Variants in GTF2IRD2B observed in about 807,000 individuals in gnomAD.
The protein encoded by GTF2IRD2B is general transcription factor II-I repeat domain-containing protein 2B.
In GTF2IRD2B, 10 loss-of-function variants were observed where a neutral mutation model predicts 55.6. The observed-to-expected ratio is 0.18, with a 90% CI of 0.11 to 0.31. The LOEUF (loss-of-function observed/expected upper bound fraction) is 0.31, where lower values mean the gene tolerates loss of function less well. Among genes scored for constraint, GTF2IRD2B ranks in the 10% least tolerant of loss-of-function variants. GTF2IRD2B has a pLI of 1.00. For missense variants in GTF2IRD2B, 206 were observed against 802.7 expected, an observed-to-expected ratio of 0.26 and a Z score of 8.98; for synonymous variants, 107 against 320.5, an observed-to-expected ratio of 0.33 and a Z score of 7.12.
intron 4 of GTF2IRD2B, among the ~76,000 whole-genome samples, chr7:75,122,119 A>G (rs1201809003): frequency 7.8e-6 from 1 of 128,464 alleles, no homozygotes; most frequent in Non-Finnish European, 1.6e-5. Context: ...TGGATCTTGG[A>G]TCTTCTGCTC....
chr7:75,102,549 C>A (rs1364351242), intron 1 of GTF2IRD2B, among the ~76,000 whole-genome samples: 4 of 151,254 alleles, frequency 2.6e-5, no homozygotes, highest in African/African-American at 9.7e-5. Flanking sequence ...AGCTGTAATC[C>A]CAGTGTGGAT....
intron 1 of GTF2IRD2B, among the ~76,000 whole-genome samples, chr7:75,104,006 G>A (rs1440164805): frequency 6.0e-5 from 9 of 150,352 alleles, no homozygotes; most frequent in African/African-American, 9.8e-5. Flanking sequence ...GGTGCAGTGC[G>A]CAGAGATCAT....
At position 75,099,877 on chromosome 7, in the gene GTF2IRD2B, C is replaced by T. The variant is rs1394645859; in HGVS notation, c.-6+7112C>T. 4.5e-5 allele frequency among the ~76,000 whole-genome samples: 6 copies of T among 133,422 alleles called. 1 individual carries two copies. The South Asian group carries it at 7.4e-4, about 16-fold the overall frequency. The allele number at this position is 133,422 out of a possible 152,430, so 87.5% of individuals were successfully genotyped here. ...CCTGTAATCCCAGCACTTTGGGAGG[C>T]TGAGGCAGGTGGATCACCTGAGGTC... On this transcript the variant is annotated intron_variant, in intron 1 of 15. Transcript: ENST00000472837.
chr7:75,130,142 T>TTTCTTTCC (rs1456154698), intron 8 of GTF2IRD2B, among the ~76,000 whole-genome samples: 1 of 109,442 alleles, frequency 9.1e-6, no homozygotes, highest in African/African-American at 3.3e-5. Context: ...TCTTTCTTTC[T>TTTCTTTCC]TTCTTTCCTT....
intron 3 of GTF2IRD2B, chr7:75,112,770 C>T (rs1166260355): frequency 1.2e-5 from 7 of 573,702 alleles, no homozygotes; most frequent in Non-Finnish European, 2.2e-5. Context: ...GAATAAATTT[C>T]AAGGACATAG....
At chr7:75,116,706 G>T in intron 3 of GTF2IRD2B, among the ~76,000 whole-genome samples, 2 of 135,222 alleles carry the variant, frequency 1.5e-5, no homozygotes, top group South Asian at 2.5e-4. Context: ...GCACTGGCTT[G>T]ATCTCTGCTC....
At chr7:75,138,703 G>A (rs1294667367) in intron 11 of GTF2IRD2B, among the ~76,000 whole-genome samples, 1 of 119,270 alleles carries the variant, frequency 8.4e-6, no homozygotes, top group East Asian at 2.2e-4. Context: ...GTGCATGTCT[G>A]TGGTCCCAGC....
chr7:75,115,341 A>G (rs1808106157), intron 3 of GTF2IRD2B, among the ~76,000 whole-genome samples: 1 of 151,022 alleles, frequency 6.6e-6, no homozygotes, highest in Non-Finnish European at 1.5e-5. Flanking sequence ...TTTTGAAATC[A>G]GGAAGTATGA....
At chr7:75,103,948 C>T (rs1275566202) in intron 1 of GTF2IRD2B, among the ~76,000 whole-genome samples, 738 of 148,128 alleles carry the variant, frequency 5.0e-3, no homozygotes, top group Non-Finnish European at 7.1e-3. Context: ...AGGAGAATGG[C>T]GTGAACCTGG....
chr7:75,101,575 CCT>C (rs1807559346), intron 1 of GTF2IRD2B, among the ~76,000 whole-genome samples: 1 of 150,216 alleles, frequency 6.7e-6, no homozygotes, highest in South Asian at 2.1e-4. Context: ...AGAATGAGAC[CCT>C]GTCAGAAAAA....
At chr7:75,127,000 A>C (rs1250125041) in intron 8 of GTF2IRD2B, among the ~76,000 whole-genome samples, 181 of 139,992 alleles carry the variant, frequency 1.3e-3, no homozygotes, top group African/African-American at 4.3e-3. Context: ...CTGTGTCAAA[A>C]AAAAACAAAA....
chr7:75,107,350 C>T (rs2115712106), intron 1 of GTF2IRD2B, among the ~76,000 whole-genome samples: 1 of 151,336 alleles, frequency 6.6e-6, no homozygotes, highest in African/African-American at 2.4e-5. Context: ...CTGAGGTGGG[C>T]GGATCACGAG....
At chr7:75,126,853 TG>T (rs1465187512) in intron 8 of GTF2IRD2B, among the ~76,000 whole-genome samples, 1 of 149,864 alleles carries the variant, frequency 6.7e-6, no homozygotes, top group African/African-American at 2.4e-5. Context: ...AAAAATTAGC[TG>T]GGCATGGTCG....
intron 3 of GTF2IRD2B, among the ~76,000 whole-genome samples, chr7:75,117,465 A>C (rs1207132700): frequency 2.0e-5 from 3 of 152,296 alleles, no homozygotes; most frequent in African/African-American, 4.8e-5. Flanking sequence ...GTGATGACCA[A>C]CAGCATTTGG....
intron 8 of GTF2IRD2B, among the ~76,000 whole-genome samples, chr7:75,130,089 TTC>T (rs1195918299): frequency 5.8e-4 from 74 of 127,578 alleles, no homozygotes; most frequent in African/African-American, 1.5e-3. Flanking sequence ...TTAATTTATT[TTC>T]TCTTTCTTTC....
chr7:75,103,356 C>G (rs1190171923), intron 1 of GTF2IRD2B, among the ~76,000 whole-genome samples: 1 of 151,182 alleles, frequency 6.6e-6, no homozygotes, highest in Non-Finnish European at 1.5e-5. Flanking sequence ...TGAGTACAGC[C>G]CGTGGTTCTC....
chr7:75,117,410 G>A (rs1226736152), intron 3 of GTF2IRD2B, among the ~76,000 whole-genome samples: 277 of 152,288 alleles, frequency 1.8e-3, no homozygotes, highest in African/African-American at 3.4e-3. Flanking sequence ...CAGGAGAATC[G>A]CTTGAACCCG....
At chr7:75,103,389 C>A (rs587740608) in intron 1 of GTF2IRD2B, among the ~76,000 whole-genome samples, 1 of 151,246 alleles carries the variant, frequency 6.6e-6, no homozygotes, top group African/African-American at 2.4e-5. Context: ...CCCGTGGGGA[C>A]CAGTGCATCA....
intron 1 of GTF2IRD2B, among the ~76,000 whole-genome samples, chr7:75,104,443 G>A (rs1807701406): frequency 6.6e-6 from 1 of 150,596 alleles, no homozygotes; most frequent in South Asian, 2.1e-4. Flanking sequence ...CATTGAGTGT[G>A]ATGACATCAT....
Sources: gnomAD v4.1 joint callset for allele counts (sites outside exome capture counted in the v4.1 genomes callset) on GRCh38, gnomAD v4.1.1 for gene constraint, MANE v1.5 for transcripts, NCBI Gene and HGNC (gene_info 2026-07-23, HGNC 2026-07-21) for gene names.